Variants in DNAAF9 observed in about 807,000 individuals in gnomAD.
The protein encoded by DNAAF9 is shulin.
In DNAAF9, 90 loss-of-function variants were observed where a neutral mutation model predicts 167.0. The observed-to-expected ratio is 0.54, with a 90% confidence interval of 0.45 to 0.64. The LOEUF (loss-of-function observed/expected upper bound fraction) is 0.64, where lower values mean the gene tolerates loss of function less well. DNAAF9 is among the 30% of genes least tolerant of loss of function. DNAAF9 has a pLI of 0.00. For synonymous variants in DNAAF9, 491 were observed against 508.8 expected (o/e 0.96, Z 0.47); for missense variants, 1,315 against 1,442.2 (o/e 0.91, Z 1.43).
chr20:3,384,600 T>C (rs1287681908), intron 1 of DNAAF9, among the ~76,000 whole-genome samples: 2 of 151,548 alleles, frequency 1.3e-5, no homozygotes, highest in Admixed American at 1.3e-4. Context: ...CTCGAACTCC[T>C]GGGCTCAAGC....
rs6139069 is a variant in DNAAF9 at position 3,305,209 on chromosome 20, G to A, written c.1679-666C>T. ...GGTCATATGGAGCAGCTCAGTATAG[G>A]CCCTAGGGAGCAGACCATGGAAAAG... On this transcript the variant is annotated intron_variant, in intron 20 of 36. Coordinates refer to ENST00000252032, the MANE Select transcript of DNAAF9 (RefSeq NM_001009984.3). 2.0e-5 allele frequency among the ~76,000 whole-genome samples: 3 copies of A among 152,300 alleles called. No homozygotes were observed. In the East Asian group the frequency reaches 5.8e-4, roughly 29 times the overall value.
chr20:3,271,426 CT>C (rs1026657646), intron 29 of DNAAF9, among the ~76,000 whole-genome samples: 11 of 152,056 alleles, frequency 7.2e-5, no homozygotes, highest in African/African-American at 2.4e-4. Context: ...CACTCCCAAC[CT>C]TTTGGTGAAA....
chr20:3,363,413 G>A (rs1172558286), intron 6 of DNAAF9, among the ~76,000 whole-genome samples: 4 of 140,042 alleles, frequency 2.9e-5, no homozygotes, highest in Non-Finnish European at 4.6e-5. Context: ...GCGGTGAGCC[G>A]AGACCATGCC....
intron 3 of DNAAF9, among the ~76,000 whole-genome samples, chr20:3,378,407 A>G (rs770292944): frequency 6.6e-6 from 1 of 152,250 alleles, no homozygotes; most frequent in Non-Finnish European, 1.5e-5. Flanking sequence ...AAGAGCTTCT[A>G]TAAATAGATC....
At chr20:3,264,829 A>G (rs1600668948) in intron 30 of DNAAF9, among the ~76,000 whole-genome samples, 1 of 152,114 alleles carries the variant, frequency 6.6e-6, no homozygotes, top group South Asian at 2.1e-4. Flanking sequence ...CGGCCTCCCA[A>G]AGTGTTGGGA....
chr20:3,371,091 T>C (rs2083501040), intron 6 of DNAAF9, among the ~76,000 whole-genome samples: 1 of 152,152 alleles, frequency 6.6e-6, no homozygotes, highest in Non-Finnish European at 1.5e-5. Context: ...CTCTGTATTC[T>C]GGAAAAGCTT....
intron 29 of DNAAF9, among the ~76,000 whole-genome samples, chr20:3,275,816 G>A (rs1164235441): frequency 4.6e-5 from 7 of 152,200 alleles, no homozygotes; most frequent in African/African-American, 7.2e-5. Flanking sequence ...ACAGCCTGGC[G>A]TATCCTATTC....
At chr20:3,308,955 C>T (rs902470003) in intron 20 of DNAAF9, among the ~76,000 whole-genome samples, 1 of 152,138 alleles carries the variant, frequency 6.6e-6, no homozygotes, top group South Asian at 2.1e-4. Context: ...CATTCATGAC[C>T]TCATCTAACC....
chr20:3,378,659 T>C (rs1156611795), intron 3 of DNAAF9, among the ~76,000 whole-genome samples: 7 of 152,090 alleles, frequency 4.6e-5, no homozygotes, highest in Admixed American at 2.6e-4. Flanking sequence ...CTAGATGCTG[T>C]CAGAGGTAAG....
intron 31 of DNAAF9, among the ~76,000 whole-genome samples, chr20:3,262,418 C>T (rs1366366486): frequency 1.3e-5 from 2 of 151,652 alleles, no homozygotes; most frequent in Admixed American, 6.6e-5. Context: ...GCCCGGCTAA[C>T]TTTTGTATTT....
chr20:3,284,713 C>G (rs6076501), intron 27 of DNAAF9, among the ~76,000 whole-genome samples: 39,377 of 152,036 alleles, frequency 0.26, 5,349 homozygotes, highest in East Asian at 0.38. Flanking sequence ...TGAGTGTGCA[C>G]AAGTTTTTAC....
At chr20:3,266,978 G>A (rs1238152716) in intron 30 of DNAAF9, among the ~76,000 whole-genome samples, 4 of 151,476 alleles carry the variant, frequency 2.6e-5, no homozygotes, top group Admixed American at 1.3e-4. Context: ...TCAGCCTCCT[G>A]AGTAACTGGA....
intron 1 of DNAAF9, among the ~76,000 whole-genome samples, chr20:3,399,805 G>C (rs562071308): frequency 6.6e-5 from 10 of 152,296 alleles, no homozygotes; most frequent in African/African-American, 2.4e-4. Context: ...CTGGTTCCCT[G>C]ATGACTCTAA....
chr20:3,271,285 C>T (rs1600682217), intron 29 of DNAAF9, among the ~76,000 whole-genome samples: 1 of 152,084 alleles, frequency 6.6e-6, no homozygotes, highest in East Asian at 1.9e-4. Flanking sequence ...TTCATTATAT[C>T]CTCAAAGAGT....
chr20:3,304,489 CT>C lies in DNAAF9; in HGVS notation c.1732del (p.Ser578ValfsTer9). 1 of 1,528,192 alleles carries C rather than the reference CT, an allele frequency of 6.5e-7. No individual in the cohort carries two copies. The highest frequency in any genetic ancestry group is 9.1e-7 in the Non-Finnish European group (1 of 1,101,864). The allele number at this position is 1,528,192 out of a possible 1,614,324, so 94.7% of individuals were successfully genotyped here. On this transcript the variant is annotated frameshift_variant, in exon 21 of 37. Coordinates refer to ENST00000252032, the MANE Select transcript of DNAAF9 (RefSeq NM_001009984.3). LOFTEE classifies it high-confidence loss of function. ...CATGTGATCCTTGGAAATGATGATA[CT>C]TCTATGACGACAGTGAGAAAACAGA... Reference protein sequence around the residue: ...GLLFSHCRHRSIIISKDHMNS... With the variant: ...GLLFSHCRHRXIIISKDHMNS...
chr20:3,359,604 G>A lies in DNAAF9; in HGVS notation c.613-11C>T, dbSNP rs903521404. ...ACTCACATCCTGCAACTGCAACAGA[G>A]GGCAAAAACATTGAAATAATTAAGT... On this transcript the variant is annotated splice_polypyrimidine_tract_variant and intron_variant, in intron 6 of 36. Coordinates refer to ENST00000252032, the MANE Select transcript of DNAAF9 (RefSeq NM_001009984.3). 2 of 1,586,498 alleles carry A rather than the reference G, an allele frequency of 1.3e-6. No homozygotes were observed. Among genetic ancestry groups the A allele is most frequent in the Admixed American group, 1.8e-5 (1 of 56,728 alleles).
chr20:3,265,923 G>A (rs189249938), intron 30 of DNAAF9, among the ~76,000 whole-genome samples: 172 of 152,076 alleles, frequency 1.1e-3, no homozygotes, highest in African/African-American at 3.7e-3. Flanking sequence ...CAGGTGATCC[G>A]CCTGCCTCAG....
chr20:3,366,800 C>G (rs990750791), intron 6 of DNAAF9, among the ~76,000 whole-genome samples: 9 of 151,674 alleles, frequency 5.9e-5, no homozygotes, highest in Non-Finnish European at 1.0e-4. Context: ...TGGTGTACCC[C>G]TGTAGTCCCA....
At chr20:3,272,610 G>A (rs557993924) in intron 29 of DNAAF9, among the ~76,000 whole-genome samples, 1 of 152,198 alleles carries the variant, frequency 6.6e-6, no homozygotes. Context: ...TGATTTAATA[G>A]CTTTAAACTT....
Sources: allele counts gnomAD v4.1 joint callset (sites outside exome capture counted in the v4.1 genomes callset), GRCh38; gene constraint gnomAD v4.1.1; transcripts MANE v1.5; gene names NCBI Gene and HGNC (gene_info 2026-07-23, HGNC 2026-07-21).